The following HMX1 variants were observed in gnomAD, a reference collection of about 807,000 sequenced individuals.
HMX1 encodes the protein H6 family homeobox 1.
In HMX1, 8 loss-of-function variants were observed where a neutral mutation model predicts 8.9. The observed-to-expected ratio is 0.90, with a 90% CI of 0.53 to 1.63. The LOEUF (loss-of-function observed/expected upper bound fraction) is 1.63, where lower values mean the gene tolerates loss of function less well. Ranked by LOEUF, HMX1 falls within the 40% of genes most tolerant of loss-of-function variation. HMX1 has a pLI of 0.00. For missense variants in HMX1, 621 were observed against 558.5 expected (o/e 1.11, Z -1.13); for synonymous variants, 311 against 283.4 (o/e 1.10, Z -0.98).
At position 8,871,453 on chromosome 4, in the gene HMX1, G is replaced by C; in HGVS notation, c.162C>G (p.Asp54Glu). 1 of 1,336,630 alleles carries C rather than the reference G, an allele frequency of 7.5e-7. No homozygotes were observed. Among genetic ancestry groups the C allele is most frequent in the Non-Finnish European group, 9.7e-7 (1 of 1,030,856 alleles). The allele number at this position is 1,336,630 out of a possible 1,614,324, so 82.8% of individuals were successfully genotyped here. Residue 54 changes from aspartate (D) to glutamate (E), a missense_variant, in exon 1 of 2, where the codon GAC (aspartate) becomes GAG (glutamate). Transcript: ENST00000400677. The surrounding 1 kb of genome is among the most constrained non-coding windows in gnomAD (Gnocchi z 4.8). ...DEEEDDDDPE[D>E]EDAEQARRRR... ...GCCGCCGCGCCTGCTCGGCGTCCTC[G>C]TCTTCGGGGTCGTCGTCGTCCTCCT...
Position 8,867,708 on chromosome 4 carries a change from C to A in HMX1, c.1032G>T (p.Met344Ile). Residue 344 changes from methionine to isoleucine, a missense_variant, in exon 2 of 2, where the codon ATG becomes ATT. Met to Ile is a conservative substitution (Grantham distance 10). Transcript: ENST00000400677. The stretch of plus-strand genomic sequence containing the variant: ...CAGGCGGGGCTCACACCAGGCCAGG[C>A]ATCTGCGCCCGCAGAAAGGGCACGG... ...AASVPFLRAQ[M>I]PGLV The A allele has an allele frequency of 7.8e-7, 1 of 1,275,936 alleles. No individual in the cohort carries two copies. The highest frequency in any genetic ancestry group is 9.8e-7 in the Non-Finnish European group (1 of 1,015,298). 79.0% of individuals were successfully genotyped at this position (1,275,936 alleles called of 1,614,324 possible).
intron 1 of HMX1, among the ~76,000 whole-genome samples, chr4:8,857,870 C>G (rs1010741958): frequency 6.6e-6 from 1 of 152,170 alleles, no homozygotes; most frequent in South Asian, 2.1e-4. Context: ...CCACACGCGC[C>G]GTGCCGAGCC....
intron 1 of HMX1, among the ~76,000 whole-genome samples, chr4:8,854,698 CTCTGTCTA>C (rs879444878): frequency 6.6e-6 from 1 of 152,242 alleles, no homozygotes; most frequent in Non-Finnish European, 1.5e-5. Flanking sequence ...CTCCCTGTCT[CTCTGTCTA>C]TCTAACTATT....
chr4:8,868,247 C>T lies in HMX1; in HGVS notation c.493G>A (p.Ala165Thr). ...GCCGGGCCACGCGCCGCCAGCTCCG[C>T]TGCCTCCCGCTGCACCGCTCCCGGC... The part of the protein sequence containing the change: ...PGPGAVQREA[A>T]ELAARGPAAG... Residue 165 changes from alanine to threonine, a missense_variant, in exon 2 of 2, where the codon GCG becomes ACG. By Grantham distance (58) the Ala-to-Thr change is moderately conservative. Coordinates refer to ENST00000400677, the MANE Select transcript of HMX1 (RefSeq NM_018942.3). This position sits in a 1 kb window ranked among gnomAD's most constrained non-coding sequence, Gnocchi z 4.6. 1.1e-5 allele frequency: 16 copies of T among 1,436,540 alleles called. No individual in the cohort carries two copies. The highest frequency in any genetic ancestry group is 1.5e-5 in the Non-Finnish European group (16 of 1,101,210). The allele number at this position is 1,436,540 out of a possible 1,614,324, so 89.0% of individuals were successfully genotyped here.
chr4:8,865,944 T>C (rs7293297), downstream of HMX1, among the ~76,000 whole-genome samples: 10,068 of 151,904 alleles, frequency 0.066, 1,100 homozygotes, highest in African/African-American at 0.22. Context: ...GGGGACTGGG[T>C]TGGGGGAGGC....
rs1395092523 is a variant in HMX1 at position 8,849,994 on chromosome 4, G to A, written c.395-3670C>T. 1.3e-5 allele frequency among the ~76,000 whole-genome samples: 2 copies of A among 152,176 alleles called. No homozygotes were observed. Among genetic ancestry groups the A allele is most frequent in the Admixed American group, 6.5e-5 (1 of 15,288 alleles). Reference sequence around the variant, plus strand: ...ACCCTGTGGGTGTTGGTTTCTCTGGGCCTCCTTCTCCCACAGCCCCACAAC... The same window carrying A: ...ACCCTGTGGGTGTTGGTTTCTCTGGACCTCCTTCTCCCACAGCCCCACAAC... On this transcript the variant is annotated intron_variant, in intron 1 of 1. Coordinates refer to the HMX1 transcript ENST00000506970. This position sits in a 1 kb window ranked among gnomAD's most constrained non-coding sequence, Gnocchi z 6.6.
chr4:8,852,948 C>T (rs1721498581), intron 1 of HMX1, among the ~76,000 whole-genome samples: 1 of 151,768 alleles, frequency 6.6e-6, no homozygotes, highest in South Asian at 2.1e-4. Context: ...AGCAGCCATT[C>T]TGTGACCTGG....
At position 8,868,331 on chromosome 4, in the gene HMX1, A is replaced by G; in HGVS notation, c.409T>C (p.Ser137Pro). ...GLSPDTSDRDSPETGEEMGRA... is the reference protein window; with the variant it reads ...GLSPDTSDRDPPETGEEMGRA... ...CCCATCTCCTCGCCCGTCTCCGGTG[A>G]GTCCCGGTCGCTGGCTGCAGGGGAG... The change falls in exon 2 of 2, where the codon TCA becomes CCA. Residue 137 changes from serine to proline, a missense_variant. By Grantham distance (74) the Ser-to-Pro change is moderately conservative. Coordinates refer to ENST00000400677, the MANE Select transcript of HMX1 (RefSeq NM_018942.3). The surrounding 1 kb of genome is among the most constrained non-coding windows in gnomAD (Gnocchi z 4.6). The G allele has an allele frequency of 7.2e-7, 1 of 1,396,086 alleles. No homozygotes were observed. The highest frequency in any genetic ancestry group is 9.2e-7 in the Non-Finnish European group (1 of 1,083,866). 86.5% of individuals were successfully genotyped at this position (1,396,086 alleles called of 1,614,324 possible).
Position 8,847,759 on chromosome 4 carries a change from C to T in HMX1, c.395-1435G>A, listed in dbSNP as rs1332906677. Among the ~76,000 whole-genome samples, 1 of 152,190 alleles carries T rather than the reference C, an allele frequency of 6.6e-6. No individual in the cohort carries two copies. Among genetic ancestry groups the T allele is most frequent in the African/African-American group, 2.4e-5 (1 of 41,442 alleles). ...TGCCTCCTTCATTATATCCTGCATACAGTTGGTACTCTGTAATTGCTTTCT... is the reference window on the plus strand; with the variant it reads ...TGCCTCCTTCATTATATCCTGCATATAGTTGGTACTCTGTAATTGCTTTCT... On this transcript the variant is annotated intron_variant, in intron 1 of 1. Transcript: ENST00000506970. The surrounding 1 kb of genome is among the most constrained non-coding windows in gnomAD (Gnocchi z 6.0).
Position 8,846,744 on chromosome 4 carries a change from C to G in HMX1, c.395-420G>C, listed in dbSNP as rs146601524. 1.3e-3 allele frequency among the ~76,000 whole-genome samples: 191 copies of G among 152,222 alleles called. 1 individual carries two copies. Among genetic ancestry groups the G allele is most frequent in the African/African-American group, 4.3e-3 (180 of 41,544 alleles). On this transcript the variant is annotated intron_variant, in intron 1 of 1. Coordinates refer to the HMX1 transcript ENST00000506970. ...AGGCATTGAACCATACACGGAGCTCCTACTGGGCTTGTGAACGCCCCTTTC... is the reference window on the plus strand; with the variant it reads ...AGGCATTGAACCATACACGGAGCTCGTACTGGGCTTGTGAACGCCCCTTTC...
Position 8,848,641 on chromosome 4 carries a change from C to A in HMX1, c.395-2317G>T, listed in dbSNP as rs947601574. Among the ~76,000 whole-genome samples the A allele has an allele frequency of 6.8e-4, 103 of 152,310 alleles. No homozygotes were observed. Among genetic ancestry groups the A allele is most frequent in the African/African-American group, 2.2e-3 (93 of 41,582 alleles). On this transcript the variant is annotated intron_variant, in intron 1 of 1. Transcript: ENST00000506970. The surrounding 1 kb of genome is among the most constrained non-coding windows in gnomAD (Gnocchi z 4.1). ...GGAGGTGCCGGCTGCTGTAGACCAACCTAAACCAGGCTCCCCCATCCCCCT... is the reference window on the plus strand; with the variant it reads ...GGAGGTGCCGGCTGCTGTAGACCAAACTAAACCAGGCTCCCCCATCCCCCT...
Position 8,867,770 on chromosome 4 carries a change from G to C in HMX1, c.970C>G (p.Leu324Val). The change falls in exon 2 of 2, where the codon CTC becomes GTC. Residue 324 changes from leucine (L) to valine (V), a missense_variant. Coordinates refer to ENST00000400677, the MANE Select transcript of HMX1 (RefSeq NM_018942.3). Reference protein sequence around the residue: ...PPPLLGFSGALAYPLAAFPAA... With the variant: ...PPPLLGFSGAVAYPLAAFPAA... ...GGGAAGGCGGCCAGCGGGTAGGCGAGGGCCCCGGAGAAGCCGAGCAGCGGT... is the reference window on the plus strand; with the variant it reads ...GGGAAGGCGGCCAGCGGGTAGGCGACGGCCCCGGAGAAGCCGAGCAGCGGT... 1 of 1,273,790 alleles carries C rather than the reference G, an allele frequency of 7.9e-7. No individual in the cohort carries two copies. 78.9% of individuals were successfully genotyped at this position (1,273,790 alleles called of 1,614,324 possible). A position where few individuals can be genotyped will look rare whatever the true frequency, so the allele number is the denominator to read the frequency against.
intron 1 of HMX1, among the ~76,000 whole-genome samples, chr4:8,858,361 C>T (rs1721683570): frequency 6.6e-6 from 1 of 152,102 alleles, no homozygotes. Context: ...GAGACAGACA[C>T]ACCGAGGGGT....
At chr4:8,860,890 T>C (rs938985461) in intron 1 of HMX1, 2 of 148,110 alleles carry the variant, frequency 1.4e-5, no homozygotes, top group African/African-American at 5.1e-5. Context: ...AGGTGAGAAC[T>C]GAGGGGCGAG....
chr4:8,859,470 A>T (rs1721724102), intron 1 of HMX1, among the ~76,000 whole-genome samples: 2 of 152,094 alleles, frequency 1.3e-5, no homozygotes, highest in Non-Finnish European at 2.9e-5. Context: ...GGGCCCTCTG[A>T]GGTGCAGCCT....
intron 1 of HMX1, among the ~76,000 whole-genome samples, chr4:8,859,344 G>A (rs1721719097): frequency 6.6e-6 from 1 of 152,172 alleles, no homozygotes; most frequent in South Asian, 2.1e-4. Context: ...CCGATTGACA[G>A]CCCTCCCAGA....
Position 8,853,357 on chromosome 4 carries a change from C to T in HMX1, c.395-7033G>A, listed in dbSNP as rs1346335488. Among the ~76,000 whole-genome samples the T allele has an allele frequency of 6.6e-6, 1 of 152,180 alleles. No homozygotes were observed. The highest frequency in any genetic ancestry group is 1.5e-5 in the Non-Finnish European group (1 of 68,038). On this transcript the variant is annotated intron_variant, in intron 1 of 1. Coordinates refer to the HMX1 transcript ENST00000506970. The surrounding 1 kb of genome is among the most constrained non-coding windows in gnomAD (Gnocchi z 4.7). The stretch of plus-strand genomic sequence containing the variant: ...CTGACCATCACAGCCCCATTCCAGG[C>T]AGCCAAGAAGGAGAGTTTGAGGGTC...
chr4:8,866,265 G>A (rs531533525), downstream of HMX1, among the ~76,000 whole-genome samples: 7 of 152,340 alleles, frequency 4.6e-5, no homozygotes, highest in Non-Finnish European at 1.0e-4. Flanking sequence ...CAAGACCAGC[G>A]TATGGCCCGG....
intron 1 of HMX1, chr4:8,860,676 T>C (rs1721771286): frequency 6.6e-6 from 1 of 152,338 alleles, no homozygotes; most frequent in South Asian, 2.1e-4. Flanking sequence ...CGCTCCGCTC[T>C]AGCCTTCGGG....
Sources: gnomAD v4.1 joint callset for allele counts (sites outside exome capture counted in the v4.1 genomes callset) on GRCh38, gnomAD v4.1.1 for gene constraint, Gnocchi (gnomAD v3.1) non-coding constraint, MANE v1.5 for transcripts, NCBI Gene and HGNC (gene_info 2026-07-23, HGNC 2026-07-21) for gene names.